Variants in CASP2 observed in about 807,000 individuals in gnomAD.
CASP2 encodes the protein caspase 2.
CASP2 carries 38 observed loss-of-function variants against 54.4 expected under a neutral mutation model. The ratio of observed to expected loss-of-function variants is 0.70; its 90% CI spans 0.54 to 0.92. The LOEUF is 0.92. CASP2 is among the 40% of genes least tolerant of loss of function. The probability of loss-of-function intolerance (pLI) is 0.00; values close to 1 mark genes in which losing one functional copy is unlikely to be tolerated. For synonymous variants in CASP2, 215 were observed against 216.3 expected (o/e 0.99, Z 0.05); for missense variants, 512 against 579.6 (o/e 0.88, Z 1.20).
At chr7:143,303,633 T>C (rs956579412) in intron 8 of CASP2, 151 bp from the exon 9 acceptor site, 1 of 615,070 alleles carries the variant, frequency 1.6e-6, no homozygotes, top group Non-Finnish European at 2.8e-6. Context: ...TTTTTTTTTT[T>C]TTTTTTAGTT....
chr7:143,290,227 A>AT (rs1176841421), intron 1 of CASP2, among the ~76,000 whole-genome samples: 2 of 151,558 alleles, frequency 1.3e-5, no homozygotes, highest in Non-Finnish European at 2.9e-5. Context: ...CACTCGGCTA[A>AT]TTTTTTGTAT....
chr7:143,294,147 A>G (rs754599282), intron 4 of CASP2, 83 bp from the exon 5 acceptor site: 56 of 825,664 alleles, frequency 6.8e-5, no homozygotes, highest in Non-Finnish European at 1.1e-4. Flanking sequence ...CCCAGTTGCA[A>G]GAGATGTCTG....
chr7:143,305,118 G>A lies in CASP2; in HGVS notation c.*47G>A, dbSNP rs780039786. On this transcript the variant is annotated 3_prime_UTR_variant, in exon 11 of 11. Coordinates refer to ENST00000310447, the MANE Select transcript of CASP2 (RefSeq NM_032982.4). ...GCCAAGTGGAAGCCACTGGACCACA[G>A]GAGGTGTGATAGAGCCTTTGATCTT... 1.2e-6 allele frequency: 2 copies of A among 1,612,738 alleles called. No homozygotes were observed. Among genetic ancestry groups the A allele is most frequent in the Admixed American group, 3.3e-5 (2 of 60,026 alleles).
Position 143,292,663 on chromosome 7 carries a change from C to T in CASP2, c.440C>T (p.Ser147Phe), listed in dbSNP as rs1563060919. The T allele has an allele frequency of 2.5e-6, 4 of 1,613,110 alleles. No individual in the cohort carries two copies. The highest frequency in any genetic ancestry group is 3.4e-6 in the Non-Finnish European group (4 of 1,180,022). Residue 147 changes from serine to phenylalanine, a missense_variant, in exon 4 of 11, where the codon TCC becomes TTC. Ser to Phe is a radical substitution (Grantham distance 155, BLOSUM62 -2). Coordinates refer to ENST00000310447, the MANE Select transcript of CASP2 (RefSeq NM_032982.4). ...DLSLPFPVCE[S>F]CPLYKKLRLS... ...AGTCTCCCTTTTCCGGTGTGTGAGTCCTGTCCCCTTTACAAGAAGCTCCGC... is the reference window on the plus strand; with the variant it reads ...AGTCTCCCTTTTCCGGTGTGTGAGTTCTGTCCCCTTTACAAGAAGCTCCGC...
In CASP2 at chr7:143,300,754, C is replaced by G. The variant is rs539052275; in HGVS notation, c.967+460C>G. 1.9e-5 allele frequency: 23 copies of G among 1,188,612 alleles called. No individual in the cohort carries two copies. The African/African-American group carries it at 3.7e-4, about 19-fold the overall frequency. The allele number at this position is 1,188,612 out of a possible 1,614,324, so 73.6% of individuals were successfully genotyped here. On this transcript the variant is annotated intron_variant, in intron 8 of 10. Transcript: ENST00000310447. The stretch of plus-strand genomic sequence containing the variant: ...TTTACCTACACTTCCATGCTTGCCT[C>G]CTTTCTTCTTTCTTCTTACCATTCT...
rs1397385583 is a variant in CASP2 at position 143,303,926 on chromosome 7, C to T, written c.1110C>T (p.Cys370=). ...TRSDMICGYA[C]LKGTAAMRNT... is the part of the protein sequence containing the mutation. ...CAGACATGATATGCGGCTATGCCTG[C>T]CTCAAAGGTACTTTGAGTTCCAAAA... Residue 370 remains cysteine (C), a synonymous_variant, in exon 9 of 11, where the codon TGC becomes TGT. Transcript: ENST00000310447. 2 of 1,593,312 alleles carry T rather than the reference C, an allele frequency of 1.3e-6. No individual in the cohort carries two copies. The highest frequency in any genetic ancestry group is 1.8e-5 in the Admixed American group (1 of 56,310).
In CASP2 at chr7:143,300,372, C is replaced by G. The variant is rs773493211; in HGVS notation, c.967+78C>G. 9 of 1,603,572 alleles carry G rather than the reference C, an allele frequency of 5.6e-6. No homozygotes were observed. In the East Asian group the frequency reaches 2.0e-4, roughly 36 times the overall value. On this transcript the variant is annotated intron_variant, in intron 8 of 10. Transcript: ENST00000310447. ...ACCAGCTCTCACTTTCCTGTTTGCT[C>G]CTCTCAGGTGCTATTGGATCCCTTG...
intron 4 of CASP2, among the ~76,000 whole-genome samples, chr7:143,292,943 G>A (rs1320290460): frequency 6.6e-6 from 1 of 152,036 alleles, no homozygotes; most frequent in Non-Finnish European, 1.5e-5. Context: ...CCCAGGAGAC[G>A]GAGGTTGCAG....
rs1195280658 is a variant in CASP2, at chr7:143,306,459, A to G, written c.*1388A>G. 2.0e-5 allele frequency: 3 copies of G among 149,830 alleles called. No homozygotes were observed. Among genetic ancestry groups the G allele is most frequent in the Non-Finnish European group, 4.4e-5 (3 of 67,610 alleles). The allele number at this position is 149,830 out of a possible 1,614,324, so 9.3% of individuals were successfully genotyped here. On this transcript the variant is annotated 3_prime_UTR_variant, in exon 11 of 11. Transcript: ENST00000310447. ...TTTTTAGTAGAGACAGGGTTTCACC[A>G]TGTTAGCCGGGATGGTCTTGATCTC...
At chr7:143,304,805 C>T (rs1482552210) in intron 10 of CASP2, 22 bp downstream of exon 10, 8 of 1,606,192 alleles carry the variant, frequency 5.0e-6, no homozygotes, top group Admixed American at 3.3e-5. Context: ...GGCTCCGTGA[C>T]CCCTGTGTGT....
rs1283453982 is a variant in CASP2 at position 143,289,533 on chromosome 7, A to G, written c.74+1004A>G. 4.6e-6 allele frequency: 3 copies of G among 658,580 alleles called. No individual in the cohort carries two copies. The African/African-American group carries it at 5.9e-5, about 13-fold the overall frequency. 40.8% of individuals were successfully genotyped at this position (658,580 alleles called of 1,614,324 possible). A position where few individuals can be genotyped will look rare whatever the true frequency, so the allele number is the denominator to read the frequency against. ...GGCAGGCCAAAGGCCCTCTAAAGAA[A>G]ACAGGAACTGGGTAGGCAGAGAGAA... is the stretch of plus-strand genomic sequence containing the variant. On this transcript the variant is annotated intron_variant, in intron 1 of 10. Coordinates refer to ENST00000310447, the MANE Select transcript of CASP2 (RefSeq NM_032982.4).
intron 10 of CASP2, 77 bp from the exon 11 acceptor site, chr7:143,304,863 C>T (rs564861021): frequency 7.0e-5 from 112 of 1,608,706 alleles, no homozygotes; most frequent in Non-Finnish European, 9.0e-5. Flanking sequence ...CTTTCATAGT[C>T]CGTCTCCCCT....
In CASP2 at chr7:143,292,363, C is replaced by A. The variant is rs1157829268; in HGVS notation, c.289C>A (p.Gln97Lys). 1 of 1,614,150 alleles carries A rather than the reference C, an allele frequency of 6.2e-7. No individual in the cohort carries two copies. Among genetic ancestry groups the A allele is most frequent in the Admixed American group, 1.7e-5 (1 of 60,022 alleles). ...LLNLLPKRGP[Q>K]AFDAFCEALR... is the part of the protein sequence containing the mutation. ...CAACTTGCTGCCTAAGAGGGGTCCCCAAGCTTTTGATGCCTTCTGTGAAGC... is the reference window on the plus strand; with the variant it reads ...CAACTTGCTGCCTAAGAGGGGTCCCAAAGCTTTTGATGCCTTCTGTGAAGC... Residue 97 changes from glutamine to lysine, a missense_variant, in exon 3 of 11, where the codon CAA becomes AAA. Around this residue, in one of 3 missense-constraint regions of CASP2, gnomAD observed 417 missense variants for 495.4 expected, o/e 0.84. Coordinates refer to ENST00000310447, the MANE Select transcript of CASP2 (RefSeq NM_032982.4).
In CASP2 at chr7:143,288,402, C is replaced by G. The variant is rs112207701; in HGVS notation, c.-54C>G. ...GGGATGTGGGGGAAGCGACGGCCCC[C>G]GGTTTGTTTGGGCTGTGGGCGGTGC... On this transcript the variant is annotated 5_prime_UTR_variant, in exon 1 of 11. Transcript: ENST00000310447. 2 of 1,569,448 alleles carry G rather than the reference C, an allele frequency of 1.3e-6. No individual in the cohort carries two copies. The highest frequency in any genetic ancestry group is 1.7e-5 in the Admixed American group (1 of 59,092).
intron 5 of CASP2, 35 bp downstream of exon 5, chr7:143,294,359 T>TG (rs760968068): frequency 7.7e-6 from 11 of 1,428,958 alleles, no homozygotes; most frequent in Non-Finnish European, 9.9e-6. Context: ...GGAAGAGAGT[T>TG]GGGAAATTAG....
intron 6 of CASP2, among the ~76,000 whole-genome samples, chr7:143,297,088 C>T: frequency 6.6e-6 from 1 of 152,160 alleles, no homozygotes; most frequent in East Asian, 1.9e-4. Context: ...TATGGGTTAT[C>T]CCTGGAAAAT....
intron 5 of CASP2, 27 bp from the exon 6 acceptor site, chr7:143,294,570 A>G (rs377426729): frequency 1.3e-5 from 21 of 1,608,048 alleles, no homozygotes; most frequent in Non-Finnish European, 1.8e-5. Flanking sequence ...CAAGACGCTC[A>G]TGGTCTAACT....
chr7:143,307,486 C>T lies in CASP2; in HGVS notation c.*2415C>T, dbSNP rs982567117. On this transcript the variant is annotated 3_prime_UTR_variant, in exon 11 of 11. Coordinates refer to ENST00000310447, the MANE Select transcript of CASP2 (RefSeq NM_032982.4). ...ATCATGTGTGAGATAACTTCCTTCA[C>T]ATCTCCCATGGTCCCTAGCAAAATG... The T allele has an allele frequency of 2.6e-5, 4 of 152,200 alleles. No homozygotes were observed. The highest frequency in any genetic ancestry group is 5.9e-5 in the Non-Finnish European group (4 of 68,038). 9.4% of individuals were successfully genotyped at this position (152,200 alleles called of 1,614,324 possible). A position where few individuals can be genotyped will look rare whatever the true frequency, so the allele number is the denominator to read the frequency against.
In CASP2 at chr7:143,294,622, G is replaced by A. The variant is rs557328820; in HGVS notation, c.596G>A (p.Arg199His). ...GCATATAGGTTGCAGTCTCGGCCTC[G>A]TGGCCTAGCACTGGTGTTGAGCAAT... ...QLAYRLQSRPRGLALVLSNVH... is the reference protein window; with the variant it reads ...QLAYRLQSRPHGLALVLSNVH... Residue 199 changes from arginine (R) to histidine (H), a missense_variant, in exon 6 of 11, where the codon CGT (arginine) becomes CAT (histidine). Coordinates refer to ENST00000310447, the MANE Select transcript of CASP2 (RefSeq NM_032982.4). The A allele has an allele frequency of 3.2e-5, 51 of 1,614,164 alleles. No individual in the cohort carries two copies. Among genetic ancestry groups the A allele is most frequent in the Middle Eastern group, 3.3e-4 (2 of 6,054 alleles).
Sources: gnomAD v4.1 joint callset for allele counts (sites outside exome capture counted in the v4.1 genomes callset) on GRCh38, gnomAD v4.1.1 for gene constraint, gnomAD v4.1.1 regional missense constraint, MANE v1.5 for transcripts, NCBI Gene and HGNC (gene_info 2026-07-23, HGNC 2026-07-21) for gene names.